Variants in PROCR observed in about 807,000 individuals in gnomAD.
PROCR encodes the protein endothelial protein C receptor.
Under a neutral mutation model 24.2 loss-of-function variants are expected in PROCR, and 22 were observed. That is an observed-to-expected ratio of 0.91 (90% CI 0.65 to 1.30). PROCR has a LOEUF of 1.30. Among genes scored for constraint, PROCR ranks in the 50% most tolerant of loss-of-function variants. The pLI is 0.00. For missense variants in PROCR, 288 were observed against 307.7 expected, an observed-to-expected ratio of 0.94 and a Z score of 0.48; for synonymous variants, 137 against 139.2, an observed-to-expected ratio of 0.98 and a Z score of 0.11.
intron 1 of PROCR, among the ~76,000 whole-genome samples, chr20:35,173,431 T>TC (rs2085970995): frequency 7.8e-6 from 1 of 128,930 alleles, no homozygotes; most frequent in Non-Finnish European, 1.6e-5. Context: ...TTCTTTTTTT[T>TC]TTTTTTTTTT....
At chr20:35,197,247 C>T (rs35193912) in intron 1 of PROCR, among the ~76,000 whole-genome samples, 61,600 of 152,038 alleles carry the variant, frequency 0.41, 13,233 homozygotes, top group East Asian at 0.64. Context: ...TGTGAGCCAT[C>T]GAACTTAGCC....
chr20:35,186,976 A>T (rs2086133665), intron 1 of PROCR, among the ~76,000 whole-genome samples: 1 of 151,890 alleles, frequency 6.6e-6, no homozygotes, highest in Middle Eastern at 3.2e-3. Context: ...AAAAAAAAAT[A>T]GCAATAGCTG....
chr20:35,175,577 C>CTT (rs1284592742), intron 2 of PROCR, among the ~76,000 whole-genome samples: 577 of 51,152 alleles, frequency 0.011, 5 homozygotes, highest in African/African-American at 0.055. Context: ...ACCCCACCCC[C>CTT]CTTTTTTTTT....
At chr20:35,212,500 A>C (rs2060366165) in intron 1 of PROCR, among the ~76,000 whole-genome samples, 1 of 152,204 alleles carries the variant, frequency 6.6e-6, no homozygotes, top group Non-Finnish European at 1.5e-5. Context: ...AGATGAAGGC[A>C]GGGAGACCTG....
At chr20:35,206,688 A>G (rs2060344261) in intron 1 of PROCR, among the ~76,000 whole-genome samples, 1 of 152,132 alleles carries the variant, frequency 6.6e-6, no homozygotes, top group Non-Finnish European at 1.5e-5. Flanking sequence ...AAATTGAAAA[A>G]AATCCCTGAC....
At chr20:35,206,027 A>T (rs538058789) in intron 1 of PROCR, among the ~76,000 whole-genome samples, 37 of 150,752 alleles carry the variant, frequency 2.5e-4, no homozygotes, top group African/African-American at 7.8e-4. Flanking sequence ...TAACATTTTT[A>T]AAAAATTTTA....
intron 1 of PROCR, among the ~76,000 whole-genome samples, chr20:35,195,048 T>A (rs2086204292): frequency 6.6e-6 from 1 of 152,190 alleles, no homozygotes; most frequent in Non-Finnish European, 1.5e-5. Context: ...AACTTTAAAG[T>A]AGCTATTATA....
At chr20:35,194,533 T>C (rs1303145321) in intron 1 of PROCR, among the ~76,000 whole-genome samples, 1 of 152,138 alleles carries the variant, frequency 6.6e-6, no homozygotes, top group Non-Finnish European at 1.5e-5. Context: ...CCAACTTAGC[T>C]AAGATCATGG....
At chr20:35,205,783 A>ATATATATATATG (rs1555791723) in intron 1 of PROCR, among the ~76,000 whole-genome samples, 1 of 137,882 alleles carries the variant, frequency 7.3e-6, no homozygotes, top group South Asian at 2.3e-4. Context: ...ATATATATAT[A>ATATATATATATG]TATATGTATA....
At chr20:35,205,787 A>ATATATATG (rs1555791725) in intron 1 of PROCR, among the ~76,000 whole-genome samples, 1 of 132,714 alleles carries the variant, frequency 7.5e-6, no homozygotes, top group Non-Finnish European at 1.6e-5. Context: ...ATATATATAT[A>ATATATATG]TGTATATATA....
chr20:35,191,264 C>A (rs2086171016), intron 1 of PROCR, among the ~76,000 whole-genome samples: 1 of 152,118 alleles, frequency 6.6e-6, no homozygotes, highest in Non-Finnish European at 1.5e-5. Flanking sequence ...TACAATTTGT[C>A]AATTTCTCAT....
downstream of PROCR, among the ~76,000 whole-genome samples, chr20:35,182,184 C>T (rs531196683): frequency 3.2e-4 from 49 of 152,312 alleles, no homozygotes; most frequent in African/African-American, 1.1e-3. Flanking sequence ...TTAAGACTCA[C>T]ACAGAGGAAG....
intron 1 of PROCR, among the ~76,000 whole-genome samples, chr20:35,194,345 G>C (rs562153638): frequency 4.1e-4 from 63 of 152,242 alleles, no homozygotes; most frequent in South Asian, 2.1e-4. Context: ...AGGCTTATGG[G>C]ATCAAGAAAA....
intron 1 of PROCR, among the ~76,000 whole-genome samples, chr20:35,206,497 A>G (rs1006797784): frequency 2.4e-4 from 33 of 140,260 alleles, no homozygotes. Context: ...AAAAAAAAAA[A>G]CTCTCAAAAC....
rs759140542 is a variant in PROCR at position 35,174,712 on chromosome 20, A to G, written c.81A>G (p.Arg27=). Residue 27 remains arginine, a synonymous_variant, in exon 2 of 4, where the codon AGA becomes AGG. Transcript: ENST00000216968. The stretch of plus-strand genomic sequence containing the variant: ...TGACTCTGCCCGCAGGCCTCCAAAG[A>G]CTTCATATGCTCCAGATCTCCTACT... The part of the protein sequence containing the change: ...CSQDASDGLQ[R]LHMLQISYFR... 9.9e-6 allele frequency: 16 copies of G among 1,613,760 alleles called. No individual in the cohort carries two copies. The highest frequency in any genetic ancestry group is 1.3e-5 in the Non-Finnish European group (15 of 1,179,932).
In PROCR at chr20:35,204,382, CTCCT is replaced by C. The variant is rs1171316880; in HGVS notation, c.95-11496_95-11493del. Among the ~76,000 whole-genome samples, 507 of 138,648 alleles carry C rather than the reference CTCCT, an allele frequency of 3.7e-3. 5 individuals are homozygous for C. The highest frequency in any genetic ancestry group is 0.014 in the South Asian group (60 of 4,320). The allele number at this position is 138,648 out of a possible 152,430, so 91.0% of individuals were successfully genotyped here. ...CCTCCCTCCTTCCCTCCCTCCCTCC[CTCCT>C]TCCTTCCTTCCTTCTCTCTTTTCTT... On this transcript the variant is annotated intron_variant, in intron 1 of 1. Transcript: ENST00000634509.
intron 1 of PROCR, among the ~76,000 whole-genome samples, chr20:35,208,860 T>C (rs1398578781): frequency 6.6e-6 from 1 of 152,056 alleles, no homozygotes; most frequent in African/African-American, 2.4e-5. Context: ...TAATACCAGC[T>C]ACTCGGGAGG....
chr20:35,204,772 AT>A (rs1482734284), intron 1 of PROCR, among the ~76,000 whole-genome samples: 1 of 152,164 alleles, frequency 6.6e-6, no homozygotes, highest in East Asian at 1.9e-4. Context: ...AACTTAGCTC[AT>A]TTTATGAAGG....
At chr20:35,202,377 C>G (rs2060322035) in intron 1 of PROCR, 2 of 151,408 alleles carry the variant, frequency 1.3e-5, no homozygotes, top group African/African-American at 4.9e-5. Flanking sequence ...TTGCTTGAAC[C>G]TGGGAGGTGG....
Sources: allele counts gnomAD v4.1 joint callset (sites outside exome capture counted in the v4.1 genomes callset), GRCh38; gene constraint gnomAD v4.1.1; transcripts MANE v1.5; gene names NCBI Gene and HGNC (gene_info 2026-07-23, HGNC 2026-07-21).